The following ASIC2 variants were observed in gnomAD, a reference collection of about 807,000 sequenced individuals.
ASIC2 encodes the protein acid sensing ion channel subunit 2.
A neutral mutation model predicts 57.3 loss-of-function variants in ASIC2; 25 were observed. The observed-to-expected ratio is 0.44, with a 90% CI of 0.32 to 0.61. The LOEUF (loss-of-function observed/expected upper bound fraction) is 0.61, where lower values mean the gene tolerates loss of function less well. Ranked by LOEUF, ASIC2 falls within the 20% of genes least tolerant of loss-of-function variation. The pLI is 0.06. For missense variants in ASIC2, 641 were observed against 738.1 expected, an observed-to-expected ratio of 0.87 and a Z score of 1.52; for synonymous variants, 319 against 307.5, an observed-to-expected ratio of 1.04 and a Z score of -0.39.
At chr17:34,139,962 G>A (rs961820635) in intron 1 of ASIC2, among the ~76,000 whole-genome samples, 2 of 152,176 alleles carry the variant, frequency 1.3e-5, no homozygotes, top group African/African-American at 4.8e-5. Flanking sequence ...GTGGATTGGG[G>A]GGGTGAGCTT....
chr17:33,943,793 A>G (rs565835776), intron 1 of ASIC2, among the ~76,000 whole-genome samples: 8 of 151,672 alleles, frequency 5.3e-5, no homozygotes. Context: ...CATCACATGC[A>G]CCTGATCTCT....
chr17:33,261,583 T>C (rs919067553), intron 1 of ASIC2, among the ~76,000 whole-genome samples: 6 of 152,274 alleles, frequency 3.9e-5, no homozygotes, highest in African/African-American at 1.2e-4. Context: ...TTCTTTGCAG[T>C]AATCATAACA....
intron 1 of ASIC2, among the ~76,000 whole-genome samples, chr17:33,899,298 G>A (rs762549721): frequency 1.7e-4 from 26 of 152,312 alleles, no homozygotes; most frequent in Non-Finnish European, 2.9e-4. Context: ...GATGGGGGTA[G>A]TGAAGCTGAA....
At chr17:34,072,104 A>C (rs1298959867) in intron 1 of ASIC2, 2 of 152,382 alleles carry the variant, frequency 1.3e-5, no homozygotes, top group African/African-American at 4.8e-5. Flanking sequence ...AAAGGAAGCT[A>C]GGGGGTTTTT....
At chr17:33,206,666 G>A (rs566280601) in intron 1 of ASIC2, among the ~76,000 whole-genome samples, 1 of 152,192 alleles carries the variant, frequency 6.6e-6, no homozygotes, top group African/African-American at 2.4e-5. Context: ...TCCTTCCATG[G>A]CCCTGGTCTC....
chr17:33,521,989 G>T (rs946757334), intron 1 of ASIC2, among the ~76,000 whole-genome samples: 1 of 152,226 alleles, frequency 6.6e-6, no homozygotes, highest in Non-Finnish European at 1.5e-5. Context: ...GGGGCCCTCT[G>T]CTGGGCAGCC....
At chr17:33,178,388 T>C (rs1905845691) in intron 1 of ASIC2, among the ~76,000 whole-genome samples, 1 of 152,198 alleles carries the variant, frequency 6.6e-6, no homozygotes, top group South Asian at 2.1e-4. Flanking sequence ...CTGTGAAATT[T>C]GGAGTGAAGT....
At position 34,099,292 on chromosome 17, in the gene ASIC2, GAAGAAAGAAAGAGAAAGAAAGA is replaced by G. The variant is rs919251316; in HGVS notation, c.555+56664_555+56685del. ...GAAAGAGGAAAGAAAAGAAAGGAAGGAAGAAAGAAAGAGAAAGAAAGAAAGGAAAGAAAGAAGGGAGGGAAGA... is the reference window on the plus strand; with the variant it reads ...GAAAGAGGAAAGAAAAGAAAGGAAGGAAGGAAAGAAAGAAGGGAGGGAAGA... On this transcript the variant is annotated intron_variant, in intron 1 of 9. Coordinates refer to the ASIC2 transcript ENST00000359872. Among the ~76,000 whole-genome samples the G allele has an allele frequency of 5.7e-5, 8 of 140,406 alleles. No homozygotes were observed. In the East Asian group the frequency reaches 1.1e-3, roughly 19 times the overall value. The allele number at this position is 140,406 out of a possible 152,430, so 92.1% of individuals were successfully genotyped here. A position where few individuals can be genotyped will look rare whatever the true frequency, so the allele number is the denominator to read the frequency against.
chr17:33,052,184 A>G (rs2091979335), intron 3 of ASIC2: 1 of 152,240 alleles, frequency 6.6e-6, no homozygotes, highest in Non-Finnish European at 1.5e-5. Context: ...GTTGAAAGCA[A>G]GATATGAACA....
At chr17:33,864,162 C>A (rs544416537) in intron 1 of ASIC2, among the ~76,000 whole-genome samples, 1 of 152,142 alleles carries the variant, frequency 6.6e-6, no homozygotes, top group Admixed American at 6.5e-5. Flanking sequence ...TTCGGCCCCC[C>A]ACCCAAAGTG....
At chr17:34,068,362 G>C (rs1909251792) in intron 1 of ASIC2, among the ~76,000 whole-genome samples, 1 of 152,188 alleles carries the variant, frequency 6.6e-6, no homozygotes, top group Non-Finnish European at 1.5e-5. Flanking sequence ...AAAACTCATA[G>C]GAAAATGGGG....
intron 1 of ASIC2, among the ~76,000 whole-genome samples, chr17:34,078,681 C>T (rs1909762030): frequency 6.6e-6 from 1 of 152,148 alleles, no homozygotes; most frequent in South Asian, 2.1e-4. Flanking sequence ...GCCCCCAGCA[C>T]TTTCTGTGTT....
chr17:33,932,704 A>C (rs1915958722), intron 1 of ASIC2: 1 of 94,556 alleles, frequency 1.1e-5, no homozygotes, highest in African/African-American at 4.1e-5. Context: ...CAAAAGCGAA[A>C]CTTTGTTTCA....
At chr17:33,052,260 A>G (rs776501985) in intron 3 of ASIC2, 5 of 152,234 alleles carry the variant, frequency 3.3e-5, no homozygotes, top group Non-Finnish European at 7.3e-5. Flanking sequence ...GGTGACTGGA[A>G]TGAGCCTTCA....
At chr17:33,033,559 C>T (rs2091895110) in intron 3 of ASIC2, among the ~76,000 whole-genome samples, 3 of 152,236 alleles carry the variant, frequency 2.0e-5, no homozygotes, top group Admixed American at 6.5e-5. Context: ...GGGACCACCC[C>T]AACCCATCCC....
intron 1 of ASIC2, among the ~76,000 whole-genome samples, chr17:33,685,373 C>G (rs1227262392): frequency 6.6e-6 from 1 of 152,152 alleles, no homozygotes; most frequent in Non-Finnish European, 1.5e-5. Flanking sequence ...GTGTGGCCCT[C>G]AACAGCCAGA....
intron 1 of ASIC2, among the ~76,000 whole-genome samples, chr17:33,271,648 C>G (rs546368977): frequency 5.9e-5 from 9 of 152,262 alleles, no homozygotes; most frequent in Non-Finnish European, 1.2e-4. Context: ...CAATATATGC[C>G]AAATTGGACC....
At chr17:33,849,169 C>T (rs979483800) in intron 1 of ASIC2, among the ~76,000 whole-genome samples, 7 of 152,174 alleles carry the variant, frequency 4.6e-5, no homozygotes, top group African/African-American at 1.7e-4. Context: ...ATATCTAGTG[C>T]TCACTCTAGG....
At chr17:33,282,297 G>C (rs138702079) in intron 1 of ASIC2, among the ~76,000 whole-genome samples, 37 of 152,318 alleles carry the variant, frequency 2.4e-4, no homozygotes, top group African/African-American at 7.9e-4. Flanking sequence ...AGGCCGGCAA[G>C]GCTGTGTTCT....
Sources: gnomAD v4.1 joint callset for allele counts (sites outside exome capture counted in the v4.1 genomes callset) on GRCh38, gnomAD v4.1.1 for gene constraint, MANE v1.5 for transcripts, NCBI Gene and HGNC (gene_info 2026-07-23, HGNC 2026-07-21) for gene names.